The following BLMH variants were observed in gnomAD, a reference collection of about 807,000 sequenced individuals.
BLMH encodes the protein BLM hydrolase.
A neutral mutation model predicts 61.6 loss-of-function variants in BLMH; 32 were observed. The observed-to-expected ratio is 0.52, with a 90% confidence interval of 0.39 to 0.70. The LOEUF (loss-of-function observed/expected upper bound fraction) is 0.70, where lower values mean the gene tolerates loss of function less well. BLMH is among the 30% of genes least tolerant of loss of function. BLMH has a pLI of 0.00. For synonymous variants in BLMH, 183 were observed against 193.8 expected (o/e 0.94, Z 0.46); for missense variants, 460 against 555.5 (o/e 0.83, Z 1.73).
chr17:30,262,908 G>A (rs1908001985), intron 11 of BLMH, among the ~76,000 whole-genome samples: 1 of 152,222 alleles, frequency 6.6e-6, no homozygotes, highest in South Asian at 2.1e-4. Context: ...ACTTGCCTAA[G>A]TCACAATGTG....
At chr17:30,262,237 G>C (rs1361733344) in intron 11 of BLMH, among the ~76,000 whole-genome samples, 1 of 152,166 alleles carries the variant, frequency 6.6e-6, no homozygotes, top group Non-Finnish European at 1.5e-5. Flanking sequence ...TCCACATTTA[G>C]AGTTCTGCTG....
intron 11 of BLMH, among the ~76,000 whole-genome samples, chr17:30,257,340 C>T (rs12949747): frequency 0.29 from 43,994 of 151,918 alleles, 6,781 homozygotes; most frequent in Admixed American, 0.33. Context: ...AGGAAATGTC[C>T]CCAAGATACG....
rs1567835919 is a variant in BLMH, at chr17:30,272,804, T to TA, written c.896dup (p.Tyr300IlefsTer7). 1 of 1,614,194 alleles carries TA rather than the reference T, an allele frequency of 6.2e-7. No individual in the cohort carries two copies. The highest frequency in any genetic ancestry group is 1.1e-5 in the South Asian group (1 of 91,082). ...GGAAGTCAATGGGCTGGTTGTTGTA[T>TA]AGAGTTTTTCTCCCTCCAACCATAT... On this transcript the variant is annotated frameshift_variant, in exon 8 of 12. Coordinates refer to ENST00000261714, the MANE Select transcript of BLMH (RefSeq NM_000386.4). LOFTEE classifies it high-confidence loss of function.
At chr17:30,266,573 C>T (rs946052106) in intron 11 of BLMH, among the ~76,000 whole-genome samples, 1 of 151,548 alleles carries the variant, frequency 6.6e-6, no homozygotes, top group Non-Finnish European at 1.5e-5. Flanking sequence ...CATCAAATGC[C>T]ATATAGCAAG....
At chr17:30,253,975 AG>A (rs1366989040) in intron 11 of BLMH, among the ~76,000 whole-genome samples, 1 of 152,204 alleles carries the variant, frequency 6.6e-6, no homozygotes, top group East Asian at 1.9e-4. Context: ...AGCTGTAGAC[AG>A]GTTAGGTGAA....
chr17:30,273,739 A>T (rs1908343712), intron 7 of BLMH: 1 of 383,328 alleles, frequency 2.6e-6, no homozygotes, highest in African/African-American at 2.1e-5. Context: ...TACCCAACAC[A>T]CTTTCATTGT....
chr17:30,262,330 C>A (rs1907980221), intron 11 of BLMH, among the ~76,000 whole-genome samples: 1 of 152,154 alleles, frequency 6.6e-6, no homozygotes, highest in South Asian at 2.1e-4. Context: ...AAGACTGGTT[C>A]ATTAGAAAGA....
rs141518110 is a variant in BLMH at position 30,257,893 on chromosome 17, G to C, written c.1217-8725C>G. Among the ~76,000 whole-genome samples the C allele has an allele frequency of 3.3e-5, 5 of 152,308 alleles. No individual in the cohort carries two copies. The East Asian group carries it at 9.6e-4, about 29-fold the overall frequency. ...TCAGCAACAGATAGCATTTAGTCTA[G>C]CTCAGGTACCTAACTTTGAAACAAA... On this transcript the variant is annotated intron_variant, in intron 11 of 11. Coordinates refer to ENST00000261714, the MANE Select transcript of BLMH (RefSeq NM_000386.4).
At chr17:30,281,004 G>A (rs941473081) in intron 6 of BLMH, among the ~76,000 whole-genome samples, 18 of 151,572 alleles carry the variant, frequency 1.2e-4, no homozygotes, top group Non-Finnish European at 4.4e-5. Context: ...AGAGGAAGAA[G>A]AGAAGGGAAG....
At chr17:30,267,569 C>A (rs1908146189) in intron 10 of BLMH, among the ~76,000 whole-genome samples, 2 of 151,954 alleles carry the variant, frequency 1.3e-5, no homozygotes, top group African/African-American at 4.8e-5. Flanking sequence ...AGTAAAAAGA[C>A]CATTTTCATA....
At chr17:30,288,042 G>T in intron 3 of BLMH, 95 bp from the exon 4 acceptor site, 1 of 1,240,118 alleles carries the variant, frequency 8.1e-7, no homozygotes, top group Non-Finnish European at 1.1e-6. Context: ...GAATTACCAT[G>T]GAATCAACAT....
intron 11 of BLMH, among the ~76,000 whole-genome samples, chr17:30,264,130 G>A (rs1908035449): frequency 6.6e-6 from 1 of 151,984 alleles, no homozygotes; most frequent in South Asian, 2.1e-4. Context: ...TTCCTGTTAA[G>A]TTAGAAAGAA....
chr17:30,288,540 G>A (rs1181911676), intron 3 of BLMH, among the ~76,000 whole-genome samples: 1 of 152,050 alleles, frequency 6.6e-6, no homozygotes. Flanking sequence ...TGTAGAGATG[G>A]GGTTTCGCCA....
At chr17:30,266,270 G>A (rs1319244903) in intron 11 of BLMH, among the ~76,000 whole-genome samples, 1 of 152,148 alleles carries the variant, frequency 6.6e-6, no homozygotes, top group Non-Finnish European at 1.5e-5. Context: ...GCTCACACCT[G>A]TAATCCTAGC....
At chr17:30,279,320 CT>C (rs1908517360) in intron 6 of BLMH, among the ~76,000 whole-genome samples, 1 of 152,150 alleles carries the variant, frequency 6.6e-6, no homozygotes, top group Non-Finnish European at 1.5e-5. Context: ...GATGGAGACC[CT>C]TTGCTTGTCC....
Position 30,291,941 on chromosome 17 carries a change from A to C in BLMH, c.-122T>G. ...GTCTCTCGCACCCGGAGCGCCGGAA[A>C]AAGGAAACCGGCTCGGCGGCGGCGG... On this transcript the variant is annotated 5_prime_UTR_variant, in exon 1 of 12. Transcript: ENST00000261714. 1.8e-6 allele frequency: 2 copies of C among 1,133,912 alleles called. No individual in the cohort carries two copies. The highest frequency in any genetic ancestry group is 2.3e-6 in the Non-Finnish European group (2 of 880,046). The allele number at this position is 1,133,912 out of a possible 1,614,324, so 70.2% of individuals were successfully genotyped here. A position where few individuals can be genotyped will look rare whatever the true frequency, so the allele number is the denominator to read the frequency against.
chr17:30,272,795 G>A lies in BLMH; in HGVS notation c.906C>T (p.Asn302=), dbSNP rs777562619. 6.2e-7 allele frequency: 1 copy of A among 1,614,152 alleles called. No individual in the cohort carries two copies. The highest frequency in any genetic ancestry group is 1.7e-5 in the Admixed American group (1 of 60,014). The change falls in exon 8 of 12, where the codon AAC becomes AAT. Residue 302 remains asparagine (N), a synonymous_variant. Transcript: ENST00000261714. ...MVGGRKTLYN[N]QPIDFLKKMV... ...TCTTTTTCAGGAAGTCAATGGGCTG[G>A]TTGTTGTATAGAGTTTTTCTCCCTC...
chr17:30,272,478 C>T (rs1361099578), intron 9 of BLMH, 83 bp downstream of exon 9: 21 of 1,496,680 alleles, frequency 1.4e-5, no homozygotes, highest in East Asian at 9.0e-5. Context: ...GGATGAACCT[C>T]GGCAGAGTCA....
intron 11 of BLMH, among the ~76,000 whole-genome samples, chr17:30,250,518 A>C (rs1907642190): frequency 6.6e-6 from 1 of 152,232 alleles, no homozygotes; most frequent in African/African-American, 2.4e-5. Flanking sequence ...GAGAAATGCA[A>C]ATTAAAACCA....
Sources: allele counts gnomAD v4.1 joint callset (sites outside exome capture counted in the v4.1 genomes callset), GRCh38; gene constraint gnomAD v4.1.1; transcripts MANE v1.5; gene names NCBI Gene and HGNC (gene_info 2026-07-23, HGNC 2026-07-21).